PEBP4: variants seen among roughly 807,000 people sequenced by gnomAD.
The protein encoded by PEBP4 is phosphatidylethanolamine binding protein 4.
PEBP4 carries 22 observed loss-of-function variants against 23.9 expected under a neutral mutation model. That is an observed-to-expected ratio of 0.92 (90% CI 0.66 to 1.31). The LOEUF (loss-of-function observed/expected upper bound fraction) is 1.31, where lower values mean the gene tolerates loss of function less well. PEBP4 is among the 40% of genes most tolerant of loss of function. The pLI, the probability that PEBP4 is intolerant of heterozygous loss-of-function variation, is 0.00. For synonymous variants in PEBP4, 112 were observed against 99.3 expected (o/e 1.13, Z -0.76); for missense variants, 324 against 281.7 (o/e 1.15, Z -1.07).
At chr8:22,785,865 C>A (rs1166504683) in intron 4 of PEBP4, among the ~76,000 whole-genome samples, 4 of 152,188 alleles carry the variant, frequency 2.6e-5, no homozygotes, top group Non-Finnish European at 5.9e-5. Context: ...CTCCTGGAGA[C>A]AACGGGGCTA....
At chr8:22,851,991 A>G (rs189901023) in intron 3 of PEBP4, among the ~76,000 whole-genome samples, 3 of 152,118 alleles carry the variant, frequency 2.0e-5, no homozygotes, top group Admixed American at 1.3e-4. Context: ...AAAGAAATTA[A>G]TTTTCAATCC....
At chr8:22,788,710 G>T (rs915145658) in intron 4 of PEBP4, among the ~76,000 whole-genome samples, 1 of 152,230 alleles carries the variant, frequency 6.6e-6, no homozygotes, top group Admixed American at 6.5e-5. Flanking sequence ...TACATTGATA[G>T]AAATTCTAAA....
At chr8:22,749,802 A>ATTATTTTTTTTTTTTTTT (rs754912133) in intron 4 of PEBP4, among the ~76,000 whole-genome samples, 1 of 41,598 alleles carries the variant, frequency 2.4e-5, no homozygotes, top group South Asian at 1.0e-3. Context: ...TCAGTTTGTC[A>ATTATTTTTTTTTTTTTTT]TTCTTTTTTT....
upstream of PEBP4, among the ~76,000 whole-genome samples, chr8:22,932,732 C>T (rs531141615): frequency 5.9e-5 from 9 of 152,206 alleles, no homozygotes; most frequent in East Asian, 1.9e-4. Flanking sequence ...TTTCCAGACA[C>T]GGTGGCTCAT....
At chr8:22,730,177 T>A (rs1436107573) in intron 4 of PEBP4, among the ~76,000 whole-genome samples, 1 of 152,174 alleles carries the variant, frequency 6.6e-6, no homozygotes, top group Non-Finnish European at 1.5e-5. Flanking sequence ...TACGGAGATA[T>A]TATCTGGAGG....
chr8:22,793,838 AC>A (rs1806189643), intron 4 of PEBP4, among the ~76,000 whole-genome samples: 1 of 152,220 alleles, frequency 6.6e-6, no homozygotes, highest in Non-Finnish European at 1.5e-5. Context: ...AAAGCTATAT[AC>A]ATTTTAAAGG....
intron 4 of PEBP4, among the ~76,000 whole-genome samples, chr8:22,764,074 G>A (rs1805562802): frequency 6.6e-6 from 1 of 152,154 alleles, no homozygotes; most frequent in Non-Finnish European, 1.5e-5. Context: ...CCTGGCCCAT[G>A]TTCCTTATGT....
intron 3 of PEBP4, among the ~76,000 whole-genome samples, chr8:22,918,598 T>A (rs902200868): frequency 6.6e-6 from 1 of 152,164 alleles, no homozygotes; most frequent in Non-Finnish European, 1.5e-5. Flanking sequence ...TGCAGCATCA[T>A]CAGCACGCGG....
intron 3 of PEBP4, among the ~76,000 whole-genome samples, chr8:22,907,724 G>C (rs755532309): frequency 5.3e-5 from 8 of 152,146 alleles, no homozygotes; most frequent in Middle Eastern, 3.2e-3. Context: ...GGCTGAGCTG[G>C]TCTGACCTGC....
chr8:22,873,851 G>C (rs1051159437), intron 3 of PEBP4, among the ~76,000 whole-genome samples: 1 of 152,100 alleles, frequency 6.6e-6, no homozygotes, highest in Non-Finnish European at 1.5e-5. Context: ...TTGATCTTGG[G>C]GGTGTTAGGA....
intron 3 of PEBP4, among the ~76,000 whole-genome samples, chr8:22,830,622 G>T (rs1259197172): frequency 6.6e-6 from 1 of 152,066 alleles, no homozygotes. Flanking sequence ...CAACAACATT[G>T]CCTGGTATTC....
intron 4 of PEBP4, among the ~76,000 whole-genome samples, chr8:22,810,665 GA>G (rs1198135837): frequency 7.9e-4 from 107 of 134,980 alleles, no homozygotes; most frequent in Admixed American, 1.8e-3. Flanking sequence ...GTGTCTCATG[GA>G]GGGGTGTGTG....
upstream of PEBP4, among the ~76,000 whole-genome samples, chr8:22,930,269 G>C (rs76750134): frequency 0.023 from 3,549 of 152,228 alleles, 113 homozygotes; most frequent in African/African-American, 0.075. Context: ...CTTCATTAGG[G>C]GGGTAGCTGA....
intron 3 of PEBP4, among the ~76,000 whole-genome samples, chr8:22,901,746 G>A (rs1808715309): frequency 6.6e-6 from 1 of 152,174 alleles, no homozygotes; most frequent in Non-Finnish European, 1.5e-5. Flanking sequence ...GGCCACTGTT[G>A]AAAAGAAATA....
chr8:22,850,237 G>T (rs1438745146), intron 3 of PEBP4, among the ~76,000 whole-genome samples: 1 of 152,140 alleles, frequency 6.6e-6, no homozygotes, highest in East Asian at 1.9e-4. Context: ...CCTGGTTTAG[G>T]GTCTGAGTTG....
At chr8:22,723,327 C>T (rs1302108845) in intron 6 of PEBP4, among the ~76,000 whole-genome samples, 1 of 152,154 alleles carries the variant, frequency 6.6e-6, no homozygotes, top group Non-Finnish European at 1.5e-5. Context: ...GGAGCCCCAG[C>T]ACGCAGAGTA....
At chr8:22,856,521 G>A (rs559172932) in intron 3 of PEBP4, among the ~76,000 whole-genome samples, 1 of 152,176 alleles carries the variant, frequency 6.6e-6, no homozygotes, top group Admixed American at 6.5e-5. Context: ...GCTCGAGACG[G>A]GCCAGGCCAA....
chr8:22,879,720 T>G (rs924363319), intron 3 of PEBP4, among the ~76,000 whole-genome samples: 1 of 152,152 alleles, frequency 6.6e-6, no homozygotes, highest in Admixed American at 6.5e-5. Context: ...TTTCAGGCCT[T>G]AAGGCACACA....
chr8:22,919,308 C>T (rs577264974), intron 3 of PEBP4, among the ~76,000 whole-genome samples: 239 of 152,286 alleles, frequency 1.6e-3, no homozygotes, highest in African/African-American at 5.3e-3. Context: ...ATCCCGGCCA[C>T]GACCCTTCCA....
Sources: allele counts gnomAD v4.1 joint callset (sites outside exome capture counted in the v4.1 genomes callset), GRCh38; gene constraint gnomAD v4.1.1; transcripts MANE v1.5; gene names NCBI Gene and HGNC (gene_info 2026-07-23, HGNC 2026-07-21).